SSBP2: variants seen among roughly 807,000 people sequenced by gnomAD.
The protein encoded by SSBP2 is single stranded DNA binding protein 2, also known as single-stranded DNA-binding protein 2.
In SSBP2, 17 loss-of-function variants were observed where a neutral mutation model predicts 61.8. That is an observed-to-expected ratio of 0.28 (90% CI 0.19 to 0.41). The LOEUF is 0.41. Ranked by LOEUF, SSBP2 falls within the 10% of genes least tolerant of loss-of-function variation. SSBP2 has a pLI of 1.00. For missense variants in SSBP2, 310 were observed against 458.7 expected (o/e 0.68, Z 2.96); for synonymous variants, 139 against 141.3 (o/e 0.98, Z 0.12).
chr5:81,422,906 T>G (rs1761700164), intron 16 of SSBP2, among the ~76,000 whole-genome samples: 1 of 152,256 alleles, frequency 6.6e-6, no homozygotes, highest in Non-Finnish European at 1.5e-5. Flanking sequence ...TTAATATGTT[T>G]ACTCAATTGA....
chr5:81,598,793 T>C (rs185913344), intron 4 of SSBP2, among the ~76,000 whole-genome samples: 40 of 152,302 alleles, frequency 2.6e-4, no homozygotes, highest in African/African-American at 9.1e-4. Context: ...TTCTCCCTCA[T>C]ACCTTTTGTT....
chr5:81,502,283 C>A (rs945261927), intron 5 of SSBP2, among the ~76,000 whole-genome samples: 1 of 152,202 alleles, frequency 6.6e-6, no homozygotes, highest in Non-Finnish European at 1.5e-5. Context: ...TCATTCTTCT[C>A]CTCCTCAAAG....
At chr5:81,713,596 T>C (rs1395282195) in intron 1 of SSBP2, among the ~76,000 whole-genome samples, 10 of 152,066 alleles carry the variant, frequency 6.6e-5, no homozygotes, top group Admixed American at 6.6e-4. Context: ...ACATCGCCAA[T>C]AAAACAGCCT....
chr5:81,544,608 G>C (rs1771585622), intron 4 of SSBP2, among the ~76,000 whole-genome samples: 1 of 152,118 alleles, frequency 6.6e-6, no homozygotes, highest in South Asian at 2.1e-4. Flanking sequence ...GGTTTTGTTT[G>C]TTTTTGCAGG....
intron 1 of SSBP2, among the ~76,000 whole-genome samples, chr5:81,732,118 C>A (rs1200516593): frequency 6.6e-6 from 1 of 152,056 alleles, no homozygotes. Context: ...AAAACATAAT[C>A]AAAACCATAA....
At chr5:81,691,764 G>C (rs970778682) in intron 1 of SSBP2, among the ~76,000 whole-genome samples, 1 of 152,018 alleles carries the variant, frequency 6.6e-6, no homozygotes, top group Non-Finnish European at 1.5e-5. Flanking sequence ...ATCAAAAAAA[G>C]AAAACTACAA....
At chr5:81,541,240 C>G (rs56869666) in intron 4 of SSBP2, among the ~76,000 whole-genome samples, 7,645 of 152,098 alleles carry the variant, frequency 0.05, 629 homozygotes, top group African/African-American at 0.17. Flanking sequence ...ACAAGGAGAA[C>G]TACAAAATAC....
At chr5:81,750,147 C>A (rs1298991101) in intron 1 of SSBP2, among the ~76,000 whole-genome samples, 1 of 152,012 alleles carries the variant, frequency 6.6e-6, no homozygotes, top group Admixed American at 6.5e-5. Flanking sequence ...CCTCCTCCAG[C>A]GGATCCCGCT....
chr5:81,453,650 G>T (rs1329435973), intron 10 of SSBP2, among the ~76,000 whole-genome samples: 1 of 151,914 alleles, frequency 6.6e-6, no homozygotes, highest in Non-Finnish European at 1.5e-5. Context: ...TAGAGACGGG[G>T]TTTCACTGTA....
chr5:81,494,541 G>C (rs1767146073), intron 5 of SSBP2, among the ~76,000 whole-genome samples: 1 of 152,190 alleles, frequency 6.6e-6, no homozygotes, highest in South Asian at 2.1e-4. Flanking sequence ...AGAGGCACAA[G>C]AGAGATGATC....
intron 1 of SSBP2, among the ~76,000 whole-genome samples, chr5:81,663,541 TATA>T (rs1401816499): frequency 6.6e-6 from 1 of 152,156 alleles, no homozygotes; most frequent in East Asian, 1.9e-4. Context: ...ATGTACTATA[TATA>T]ATGTGTGCCA....
At chr5:81,501,675 G>A (rs560498265) in intron 5 of SSBP2, among the ~76,000 whole-genome samples, 7 of 149,262 alleles carry the variant, frequency 4.7e-5, no homozygotes, top group Non-Finnish European at 5.9e-5. Flanking sequence ...CCATTCTCTC[G>A]CCTCAGCCTC....
chr5:81,434,519 C>T (rs1310853445), intron 15 of SSBP2, among the ~76,000 whole-genome samples: 2 of 151,108 alleles, frequency 1.3e-5, no homozygotes, highest in Non-Finnish European at 2.9e-5. Flanking sequence ...ATCCCAGCTA[C>T]TTGGCAGGCT....
intron 15 of SSBP2, among the ~76,000 whole-genome samples, chr5:81,436,995 T>C (rs1405752864): frequency 6.6e-6 from 1 of 152,158 alleles, no homozygotes. Flanking sequence ...AATGAAGATT[T>C]GCAAGATGAA....
chr5:81,424,606 C>A (rs1396797454), intron 16 of SSBP2, among the ~76,000 whole-genome samples: 1 of 152,050 alleles, frequency 6.6e-6, no homozygotes, highest in East Asian at 1.9e-4. Context: ...TATTTACACT[C>A]CTGAGGCTGT....
chr5:81,599,455 G>T (rs1232613228), intron 4 of SSBP2, among the ~76,000 whole-genome samples: 12 of 152,210 alleles, frequency 7.9e-5, no homozygotes, highest in Admixed American at 5.9e-4. Flanking sequence ...TCTGGGAGGA[G>T]CCACAGAATT....
intron 4 of SSBP2, among the ~76,000 whole-genome samples, chr5:81,533,857 GGGA>G (rs1374674909): frequency 1.3e-5 from 2 of 152,018 alleles, no homozygotes; most frequent in Non-Finnish European, 2.9e-5. Context: ...CAGTCACAGG[GGGA>G]TCTCTAAATG....
chr5:81,613,431 C>G (rs1745653279), intron 4 of SSBP2, among the ~76,000 whole-genome samples: 1 of 152,094 alleles, frequency 6.6e-6, no homozygotes. Flanking sequence ...TTGAAATTTT[C>G]AAAGTGTCTT....
chr5:81,622,335 C>T (rs999045482), intron 3 of SSBP2, among the ~76,000 whole-genome samples: 12 of 152,040 alleles, frequency 7.9e-5, no homozygotes, highest in Non-Finnish European at 1.5e-4. Flanking sequence ...TAAATAAAGG[C>T]AATTACAATT....
Sources: gnomAD v4.1 joint callset for allele counts (sites outside exome capture counted in the v4.1 genomes callset) on GRCh38, gnomAD v4.1.1 for gene constraint, MANE v1.5 for transcripts, NCBI Gene and HGNC (gene_info 2026-07-23, HGNC 2026-07-21) for gene names.